Variants in SGSM3 observed in about 807,000 individuals in gnomAD.
The protein encoded by SGSM3 is RUN and SH3 containing 3.
Under a neutral mutation model 100.5 loss-of-function variants are expected in SGSM3, and 96 were observed. That is an observed-to-expected ratio of 0.96 (90% confidence interval 0.81 to 1.13). The LOEUF (loss-of-function observed/expected upper bound fraction) is 1.13. Ranked by LOEUF, SGSM3 falls within the 50% of genes most tolerant of loss-of-function variation. The pLI, the probability that SGSM3 is intolerant of heterozygous loss-of-function variation, is 0.00. For missense variants in SGSM3, 1,001 were observed against 1,015.8 expected (o/e 0.99, Z 0.20); for synonymous variants, 483 against 422.8 (o/e 1.14, Z -1.75).
chr22:40,372,228 G>A (rs1201017553), intron 1 of SGSM3, among the ~76,000 whole-genome samples: 1 of 141,440 alleles, frequency 7.1e-6, no homozygotes, highest in Non-Finnish European at 1.5e-5. Context: ...CCGGGTTCAC[G>A]CCATTCTCCT....
At chr22:40,393,544 T>G (rs2049642799) in intron 1 of SGSM3, among the ~76,000 whole-genome samples, 1 of 152,250 alleles carries the variant, frequency 6.6e-6, no homozygotes, top group Non-Finnish European at 1.5e-5. Flanking sequence ...AAAGCTCTTT[T>G]CAGGATCACA....
At chr22:40,373,017 A>G (rs180968801) in intron 1 of SGSM3, 3 of 152,350 alleles carry the variant, frequency 2.0e-5, no homozygotes, top group Admixed American at 1.3e-4. Flanking sequence ...TTTCTTTGCC[A>G]TCACATATTA....
At position 40,407,944 on chromosome 22, in the gene SGSM3, A is replaced by T; in HGVS notation, c.1579+101A>T. On this transcript the variant is annotated intron_variant, in intron 14 of 21. Coordinates refer to ENST00000248929, the MANE Select transcript of SGSM3 (RefSeq NM_015705.6). The surrounding 1 kb of genome is among the most constrained non-coding windows in gnomAD (Gnocchi z 4.7). ...GCCACCAAGCTGTTCTCCTCTATAC[A>T]CCTGCCTGGCTTGAGGTCCCTGAAG... 1 of 1,453,312 alleles carries T rather than the reference A, an allele frequency of 6.9e-7. No homozygotes were observed. The allele number at this position is 1,453,312 out of a possible 1,614,324, so 90.0% of individuals were successfully genotyped here.
At chr22:40,377,249 T>G (rs530821006) in intron 1 of SGSM3, among the ~76,000 whole-genome samples, 3 of 152,200 alleles carry the variant, frequency 2.0e-5, no homozygotes, top group Non-Finnish European at 2.9e-5. Flanking sequence ...GTTAGGCAAA[T>G]AGATGCTTTC....
In SGSM3 at chr22:40,410,200, T is replaced by C. The variant is rs1024968898; in HGVS notation, c.*441T>C. ...CTTGAGTGGTCTAGAAGGCACTGCG[T>C]GGCCCCTCAGATGCTGGGACACAAC... On this transcript the variant is annotated 3_prime_UTR_variant, in exon 22 of 22. Coordinates refer to ENST00000248929, the MANE Select transcript of SGSM3 (RefSeq NM_015705.6). 9.4e-7 allele frequency: 1 copy of C among 1,062,834 alleles called. No homozygotes were observed. The highest frequency in any genetic ancestry group is 1.6e-5 in the African/African-American group (1 of 60,644). 65.8% of individuals were successfully genotyped at this position (1,062,834 alleles called of 1,614,324 possible).
intron 1 of SGSM3, among the ~76,000 whole-genome samples, chr22:40,387,877 G>A (rs545553967): frequency 3.3e-5 from 5 of 152,192 alleles, no homozygotes; most frequent in East Asian, 1.9e-4. Context: ...GAGCAAGTCC[G>A]CGTAGGGCAG....
intron 1 of SGSM3, among the ~76,000 whole-genome samples, chr22:40,396,982 T>G (rs1357455211): frequency 6.6e-6 from 1 of 152,208 alleles, no homozygotes; most frequent in Non-Finnish European, 1.5e-5. Flanking sequence ...GGTTCCTAAA[T>G]CAATCCTGTT....
chr22:40,407,284 G>C lies in SGSM3; in HGVS notation c.1324G>C (p.Val442Leu). ...TGACCTCCGGGAAGCCATCCTGCGC[G>C]TGGCACGCCACTTCCAGTGCACAGA... ...VADLREAILR[V>L]ARHFQCTDPK... Residue 442 changes from valine (V) to leucine (L), a missense_variant, in exon 12 of 22, where the codon GTG becomes CTG. By Grantham distance (32) the Val-to-Leu change is conservative. Transcript: ENST00000248929. This position sits in a 1 kb window ranked among gnomAD's most constrained non-coding sequence, Gnocchi z 4.7. 6.2e-7 allele frequency: 1 copy of C among 1,613,596 alleles called. No homozygotes were observed. The highest frequency in any genetic ancestry group is 8.5e-7 in the Non-Finnish European group (1 of 1,180,034).
In SGSM3 at chr22:40,409,455, TC is replaced by T; in HGVS notation, c.2112-9del. 1 of 1,568,734 alleles carries T rather than the reference TC, an allele frequency of 6.4e-7. No homozygotes were observed. The highest frequency in any genetic ancestry group is 8.7e-7 in the Non-Finnish European group (1 of 1,155,240). On this transcript the variant is annotated splice_polypyrimidine_tract_variant and intron_variant, in intron 20 of 21. Transcript: ENST00000248929. ...TGACAAGAGCCTTACCACCCCTTCC[TC>T]ACCTCTAGAGTCCTCTGCTGCTTTG...
chr22:40,401,827 T>G (rs2050796741), intron 3 of SGSM3, 152 bp downstream of exon 3: 1 of 690,178 alleles, frequency 1.4e-6, no homozygotes, highest in Non-Finnish European at 2.6e-6. Flanking sequence ...ATGTTTCCTG[T>G]GTGAATCAAC....
intron 6 of SGSM3, 25 bp from the exon 7 acceptor site, chr22:40,405,116 G>A (rs927971003): frequency 2.2e-5 from 33 of 1,483,328 alleles, no homozygotes; most frequent in Non-Finnish European, 3.0e-5. Context: ...TCTTGTTATT[G>A]TGGGTGCCGA....
At chr22:40,400,851 G>A in intron 2 of SGSM3, 38 bp downstream of exon 2, 1 of 1,522,664 alleles carries the variant, frequency 6.6e-7, no homozygotes. Flanking sequence ...GGGGTTTGAA[G>A]CTCTCACAGA....
At chr22:40,383,324 C>T (rs957820195) in intron 1 of SGSM3, among the ~76,000 whole-genome samples, 6 of 151,798 alleles carry the variant, frequency 4.0e-5, no homozygotes, top group Admixed American at 1.3e-4. Context: ...AAAATTAGCC[C>T]GGCGTGGTGG....
At chr22:40,405,411 C>A in intron 7 of SGSM3, 127 bp downstream of exon 7, 1 of 1,007,548 alleles carries the variant, frequency 9.9e-7, no homozygotes, top group Non-Finnish European at 1.4e-6. Context: ...AAGGAGTGGC[C>A]TCCCACTCCG....
At chr22:40,383,666 C>G (rs920628102) in intron 1 of SGSM3, among the ~76,000 whole-genome samples, 7 of 151,894 alleles carry the variant, frequency 4.6e-5, no homozygotes, top group African/African-American at 1.7e-4. Flanking sequence ...TAGTGAGGGG[C>G]CCAGTTGGCT....
intron 9 of SGSM3, 71 bp from the exon 10 acceptor site, chr22:40,406,367 T>C (rs2051520754): frequency 6.7e-7 from 1 of 1,493,948 alleles, no homozygotes; most frequent in East Asian, 2.4e-5. Flanking sequence ...AGGATGGGGG[T>C]TGGGGTCAGC....
At position 40,407,768 on chromosome 22, in the gene SGSM3, G is replaced by C. The variant is rs758704045; in HGVS notation, c.1525-21G>C. 17 of 1,613,886 alleles carry C rather than the reference G, an allele frequency of 1.1e-5. No individual in the cohort carries two copies. Among genetic ancestry groups the C allele is most frequent in the Non-Finnish European group, 1.4e-5 (17 of 1,179,966 alleles). ...CCCAGGGCACCCAGCTTTGGTTCCT[G>C]CTGTTTTTCCTCCTGTGCAGATCGT... On this transcript the variant is annotated intron_variant, in intron 13 of 21. Transcript: ENST00000248929. This position sits in a 1 kb window ranked among gnomAD's most constrained non-coding sequence, Gnocchi z 4.7.
intron 1 of SGSM3, among the ~76,000 whole-genome samples, chr22:40,387,716 GA>G (rs1661891919): frequency 6.6e-6 from 1 of 152,184 alleles, no homozygotes; most frequent in South Asian, 2.1e-4. Context: ...GAAGGTCCAT[GA>G]AGTTGCTTTC....
At chr22:40,385,696 A>G (rs1383926677) in intron 1 of SGSM3, among the ~76,000 whole-genome samples, 1 of 152,190 alleles carries the variant, frequency 6.6e-6, no homozygotes, top group East Asian at 1.9e-4. Context: ...GTTTCAGAAG[A>G]ATTATGAGAA....
Sources: allele counts gnomAD v4.1 joint callset (sites outside exome capture counted in the v4.1 genomes callset), GRCh38; gene constraint gnomAD v4.1.1; non-coding constraint Gnocchi (gnomAD v3.1); transcripts MANE v1.5; gene names NCBI Gene and HGNC (gene_info 2026-07-23, HGNC 2026-07-21).